Variants in C12orf60 observed in about 807,000 individuals in gnomAD.
C12orf60 encodes uncharacterized protein C12orf60.
For missense variants in C12orf60, 284 were observed against 283.2 expected, an observed-to-expected ratio of 1.00 and a Z score of -0.02; for synonymous variants, 102 against 94.6, an observed-to-expected ratio of 1.08 and a Z score of -0.45.
chr12:14,809,324 C>T (rs1335960907), intron 1 of C12orf60, among the ~76,000 whole-genome samples: 2 of 152,124 alleles, frequency 1.3e-5, no homozygotes, highest in South Asian at 2.1e-4. Context: ...ACGAATTAAT[C>T]GTAAAATGTA....
intron 1 of C12orf60, chr12:14,806,787 AT>A: frequency 8.6e-7 from 1 of 1,163,184 alleles, no homozygotes; most frequent in Admixed American, 2.4e-5. Flanking sequence ...TTCTTCATGC[AT>A]AGCAAAGAAG....
chr12:14,822,600 CA>C (rs1950323721), intron 1 of C12orf60, among the ~76,000 whole-genome samples: 1 of 152,194 alleles, frequency 6.6e-6, no homozygotes, highest in African/African-American at 2.4e-5. Flanking sequence ...TTTTTCACTA[CA>C]TTGAATAGTT....
At chr12:14,812,700 TG>T (rs1950159873) in intron 1 of C12orf60, among the ~76,000 whole-genome samples, 1 of 152,086 alleles carries the variant, frequency 6.6e-6, no homozygotes, top group Non-Finnish European at 1.5e-5. Flanking sequence ...AAGCTTTTAC[TG>T]TGCTACCCCA....
intron 1 of C12orf60, among the ~76,000 whole-genome samples, chr12:14,810,133 G>C (rs1045845554): frequency 6.6e-6 from 1 of 152,132 alleles, no homozygotes; most frequent in African/African-American, 2.4e-5. Context: ...CTTTTATTCT[G>C]AGTCAGACTT....
chr12:14,814,353 A>C (rs1231526662), intron 1 of C12orf60, among the ~76,000 whole-genome samples: 1 of 152,210 alleles, frequency 6.6e-6, no homozygotes, highest in East Asian at 1.9e-4. Context: ...TACAGTATTA[A>C]GTTATATAAA....
intron 1 of C12orf60, chr12:14,805,281 C>T (rs1950030630): frequency 6.6e-6 from 1 of 152,186 alleles, no homozygotes; most frequent in Admixed American, 6.5e-5. Flanking sequence ...CTAAATGTTT[C>T]AGTGTTTGAA....
intron 1 of C12orf60, among the ~76,000 whole-genome samples, chr12:14,812,180 C>T (rs1950149982): frequency 6.6e-6 from 1 of 152,156 alleles, no homozygotes; most frequent in South Asian, 2.1e-4. Flanking sequence ...CGTGGTGGCT[C>T]ACGCCTGTAA....
chr12:14,819,891 ATGAGT>A (rs1950279182), intron 1 of C12orf60, among the ~76,000 whole-genome samples: 1 of 152,050 alleles, frequency 6.6e-6, no homozygotes, highest in Non-Finnish European at 1.5e-5. Context: ...GCCTTATAAA[ATGAGT>A]TGAGAGGTAT....
chr12:14,823,435 T>G lies in C12orf60; in HGVS notation c.500T>G (p.Val167Gly). The change falls in exon 2 of 2, where the codon GTC (valine) becomes GGC (glycine). Residue 167 changes from valine to glycine, a missense_variant. By Grantham distance (109) the Val-to-Gly change is moderately radical. Transcript: ENST00000330828. ...GAAGACACCAAAGAGCAATCAGATG[T>G]CACCACATCTGAGAGAACCAGAAGT... ...YTEDTKEQSD[V>G]TTSERTRSPP... is the part of the protein sequence containing the mutation. 1.2e-6 allele frequency: 2 copies of G among 1,613,862 alleles called. No individual in the cohort carries two copies. The highest frequency in any genetic ancestry group is 1.7e-6 in the Non-Finnish European group (2 of 1,179,942).
At chr12:14,816,949 G>A (rs1950230339) in intron 1 of C12orf60, among the ~76,000 whole-genome samples, 1 of 151,852 alleles carries the variant, frequency 6.6e-6, no homozygotes, top group South Asian at 2.1e-4. Flanking sequence ...TGCCATGTTG[G>A]GCAGGCTGGT....
At position 14,806,443 on chromosome 12, in the gene C12orf60, A is replaced by G. The variant is rs771315633; in HGVS notation, c.-25+2692A>G. 4.3e-6 allele frequency: 7 copies of G among 1,614,002 alleles called. No homozygotes were observed. In the Admixed American group the frequency reaches 5.0e-5, roughly 12 times the overall value. On this transcript the variant is annotated intron_variant, in intron 1 of 1. Coordinates refer to ENST00000330828, the MANE Select transcript of C12orf60 (RefSeq NM_175874.4). ...TTTAGTGCTTCATCAACCTTCTGCA[A>G]TTCCTTTTGGATTTTCATAATGGCT... is the stretch of plus-strand genomic sequence containing the variant.
chr12:14,818,985 T>C (rs1227313448), intron 1 of C12orf60, among the ~76,000 whole-genome samples: 1 of 152,186 alleles, frequency 6.6e-6, no homozygotes, highest in Admixed American at 6.5e-5. Context: ...CATTTACATA[T>C]ATATTCTAGA....
chr12:14,804,456 A>G (rs2137248731), intron 1 of C12orf60, among the ~76,000 whole-genome samples: 1 of 152,352 alleles, frequency 6.6e-6, no homozygotes, highest in South Asian at 2.1e-4. Context: ...ATGGAGATAC[A>G]TACTAATTTT....
At chr12:14,806,165 T>C in intron 1 of C12orf60, 1 of 1,614,152 alleles carries the variant, frequency 6.2e-7, no homozygotes, top group East Asian at 2.2e-5. Context: ...CAATCATATC[T>C]ATGCCAAGGC....
intron 1 of C12orf60, among the ~76,000 whole-genome samples, chr12:14,817,072 G>A (rs936055460): frequency 6.6e-6 from 1 of 151,928 alleles, no homozygotes; most frequent in African/African-American, 2.4e-5. Context: ...CACCATGCCC[G>A]GCCAATTTAT....
At chr12:14,804,615 C>A (rs1433336989) in intron 1 of C12orf60, 1 of 152,076 alleles carries the variant, frequency 6.6e-6, no homozygotes, top group Non-Finnish European at 1.5e-5. Context: ...GCTGATAAAC[C>A]AGGTAGTACA....
intron 1 of C12orf60, chr12:14,806,056 AT>A (rs1284347505): frequency 6.8e-6 from 11 of 1,614,152 alleles, no homozygotes; most frequent in Non-Finnish European, 5.9e-6. Flanking sequence ...GCATGATTAT[AT>A]TTTTCTGAGG....
intron 1 of C12orf60, among the ~76,000 whole-genome samples, chr12:14,808,500 T>G (rs1033472717): frequency 1.3e-5 from 2 of 152,210 alleles, no homozygotes; most frequent in African/African-American, 2.4e-5. Context: ...CCGTATGTCT[T>G]CTAGCACTAC....
At chr12:14,806,642 T>A in intron 1 of C12orf60, 5 of 1,610,216 alleles carry the variant, frequency 3.1e-6, no homozygotes, top group Non-Finnish European at 4.2e-6. Flanking sequence ...CTTCCCGCCT[T>A]TTTGGGTTCT....
Sources: allele counts gnomAD v4.1 joint callset (sites outside exome capture counted in the v4.1 genomes callset), GRCh38; gene constraint gnomAD v4.1.1; transcripts MANE v1.5; gene names NCBI Gene and HGNC (gene_info 2026-07-23, HGNC 2026-07-21).